The following MBNL2 variants were observed in gnomAD, a reference collection of about 807,000 sequenced individuals.
MBNL2 encodes muscleblind like splicing regulator 2, also known as muscleblind-like protein 2.
A neutral mutation model predicts 41.9 loss-of-function variants in MBNL2; 17 were observed. That is an observed-to-expected ratio of 0.41 (90% confidence interval 0.28 to 0.61). The LOEUF is 0.61. Among genes scored for constraint, MBNL2 ranks in the 20% least tolerant of loss-of-function variants. The pLI, the probability that MBNL2 is intolerant of heterozygous loss-of-function variation, is 0.35. For synonymous variants in MBNL2, 195 were observed against 182.9 expected, an observed-to-expected ratio of 1.07 and a Z score of -0.53; for missense variants, 336 against 505.6, an observed-to-expected ratio of 0.66 and a Z score of 3.22.
At chr13:97,250,376 T>C (rs1267182137) in intron 1 of MBNL2, among the ~76,000 whole-genome samples, 1 of 152,236 alleles carries the variant, frequency 6.6e-6, no homozygotes, top group Non-Finnish European at 1.5e-5. Context: ...GTCAACCAAC[T>C]GCCACTTTTA....
At chr13:97,146,302 G>A in the MBNL2 span, among the ~76,000 whole-genome samples, 8 of 151,972 alleles carry the variant, frequency 5.3e-5, no homozygotes, top group African/African-American at 1.7e-4. Flanking sequence ...CGCCCAGCAG[G>A]TTCTACTTTC....
chr13:97,160,002 C>T, the MBNL2 span, among the ~76,000 whole-genome samples: 666 of 151,914 alleles, frequency 4.4e-3, 5 homozygotes, highest in African/African-American at 0.015. Flanking sequence ...TTTCCAACTT[C>T]GTTCCATTCT....
At chr13:97,319,556 C>G (rs908119354) in intron 2 of MBNL2, among the ~76,000 whole-genome samples, 2 of 152,174 alleles carry the variant, frequency 1.3e-5, no homozygotes, top group Non-Finnish European at 2.9e-5. Context: ...ACGGGTGAGA[C>G]TCTGCCAATG....
At chr13:97,356,405 G>A (rs959978220) in intron 5 of MBNL2, among the ~76,000 whole-genome samples, 1 of 123,768 alleles carries the variant, frequency 8.1e-6, no homozygotes, top group Admixed American at 7.7e-5. Flanking sequence ...CGATCCTATG[G>A]CCCTTACAAA....
the MBNL2 span, among the ~76,000 whole-genome samples, chr13:97,175,788 T>C: frequency 6.6e-6 from 1 of 151,770 alleles, no homozygotes; most frequent in Non-Finnish European, 1.5e-5. Context: ...CTTATTTTGC[T>C]GCAGTTGAAA....
chr13:97,241,820 A>T (rs1023077771), intron 1 of MBNL2, among the ~76,000 whole-genome samples: 7 of 152,200 alleles, frequency 4.6e-5, no homozygotes, highest in African/African-American at 1.7e-4. Context: ...CATCAGAGTT[A>T]GGCGAGTTGG....
chr13:97,182,921 T>C, the MBNL2 span, among the ~76,000 whole-genome samples: 1 of 152,190 alleles, frequency 6.6e-6, no homozygotes, highest in African/African-American at 2.4e-5. Flanking sequence ...TCATTATGAG[T>C]TACCCCAAGT....
At chr13:97,202,724 G>T in the MBNL2 span, among the ~76,000 whole-genome samples, 5 of 152,172 alleles carry the variant, frequency 3.3e-5, no homozygotes, top group Non-Finnish European at 7.3e-5. Context: ...AAGTCAAAAG[G>T]TTAAACTGTA....
At chr13:97,358,901 T>G (rs576473381) in intron 7 of MBNL2, among the ~76,000 whole-genome samples, 7 of 152,146 alleles carry the variant, frequency 4.6e-5, no homozygotes, top group Non-Finnish European at 1.0e-4. Context: ...GTGATATTCT[T>G]TGTATAAAAT....
chr13:97,255,068 A>G (rs560485824), intron 1 of MBNL2, among the ~76,000 whole-genome samples: 7 of 152,280 alleles, frequency 4.6e-5, no homozygotes, highest in African/African-American at 9.6e-5. Flanking sequence ...CCAAACCCCA[A>G]TGAGTCACAA....
chr13:97,379,868 G>A (rs940955701), intron 8 of MBNL2, among the ~76,000 whole-genome samples: 10 of 152,124 alleles, frequency 6.6e-5, no homozygotes, highest in African/African-American at 1.7e-4. Flanking sequence ...TGAACTGTAC[G>A]CTTCAAAATG....
intron 2 of MBNL2, among the ~76,000 whole-genome samples, chr13:97,304,512 T>C (rs1221440404): frequency 6.6e-6 from 1 of 152,202 alleles, no homozygotes; most frequent in Non-Finnish European, 1.5e-5. Flanking sequence ...ACTCTAACTC[T>C]GAACAAGAAT....
At chr13:97,283,176 T>C (rs1442699562) in intron 2 of MBNL2, among the ~76,000 whole-genome samples, 2 of 152,168 alleles carry the variant, frequency 1.3e-5, no homozygotes, top group Non-Finnish European at 2.9e-5. Flanking sequence ...CTCCCCTTGC[T>C]CCCTCAGTGT....
intron 1 of MBNL2, among the ~76,000 whole-genome samples, chr13:97,261,051 T>C (rs73555775): frequency 0.11 from 16,390 of 151,840 alleles, 2,521 homozygotes; most frequent in African/African-American, 0.34. Context: ...CCACACTGCT[T>C]CCTCCAACAC....
the MBNL2 span, among the ~76,000 whole-genome samples, chr13:97,170,924 A>G: frequency 1.3e-5 from 2 of 152,340 alleles, 1 homozygote; most frequent in Middle Eastern, 6.8e-3. Flanking sequence ...TCCCAAAGCT[A>G]TCTTGGCAGA....
chr13:97,170,636 G>C, the MBNL2 span, among the ~76,000 whole-genome samples: 1 of 152,082 alleles, frequency 6.6e-6, no homozygotes, highest in Non-Finnish European at 1.5e-5. Flanking sequence ...GCTTCTGGGT[G>C]GGGGCACAGA....
Position 97,334,129 on chromosome 13 carries a change from T to A in MBNL2, c.175-147T>A, listed in dbSNP as rs1278942461. The A allele has an allele frequency of 8.5e-6, 4 of 473,286 alleles. No individual in the cohort carries two copies. The highest frequency in any genetic ancestry group is 4.6e-5 in the Admixed American group (1 of 21,810). The allele number at this position is 473,286 out of a possible 1,614,324, so 29.3% of individuals were successfully genotyped here. A position where few individuals can be genotyped will look rare whatever the true frequency, so the allele number is the denominator to read the frequency against. On this transcript the variant is annotated intron_variant, in intron 2 of 8. Transcript: ENST00000679496. The surrounding 1 kb of genome is among the most constrained non-coding windows in gnomAD (Gnocchi z 5.3). The stretch of plus-strand genomic sequence containing the variant: ...GATTCACTTTTCCCCAACAAACACA[T>A]GAGCATGCGCGCGCACACCCACACA...
chr13:97,254,752 G>T (rs1038608421), intron 1 of MBNL2, among the ~76,000 whole-genome samples: 1 of 152,020 alleles, frequency 6.6e-6, no homozygotes, highest in Admixed American at 6.6e-5. Flanking sequence ...TAACAAAAAC[G>T]GTCAATGTGA....
intron 5 of MBNL2, among the ~76,000 whole-genome samples, chr13:97,356,295 G>T (rs538809340): frequency 1.3e-5 from 2 of 152,210 alleles, no homozygotes; most frequent in African/African-American, 4.8e-5. Context: ...GGCCAGCTAT[G>T]AATTTTAAAT....
Sources: gnomAD v4.1 joint callset for allele counts (sites outside exome capture counted in the v4.1 genomes callset) on GRCh38, gnomAD v4.1.1 for gene constraint, Gnocchi (gnomAD v3.1) non-coding constraint, MANE v1.5 for transcripts, NCBI Gene and HGNC (gene_info 2026-07-23, HGNC 2026-07-21) for gene names.